CDYL: variants seen among roughly 807,000 people sequenced by gnomAD.
The protein encoded by CDYL is chromodomain Y like.
A neutral mutation model predicts 47.3 loss-of-function variants in CDYL; 8 were observed. The ratio of observed to expected loss-of-function variants is 0.17; its 90% CI spans 0.10 to 0.31. The LOEUF is 0.31. Ranked by LOEUF, CDYL falls within the 10% of genes least tolerant of loss-of-function variation. The pLI is 1.00. For missense variants in CDYL, 471 were observed against 701.4 expected (o/e 0.67, Z 3.71); for synonymous variants, 266 against 265.0 (o/e 1.00, Z -0.04).
chr6:4,943,790 C>A (rs1314323369), intron 5 of CDYL, 34 bp downstream of exon 5: 7 of 958,688 alleles, frequency 7.3e-6, no homozygotes, highest in Non-Finnish European at 1.1e-5. Flanking sequence ...AAAAAAAAGT[C>A]ATTCTAGAAA....
chr6:4,783,032 C>T (rs930423295), intron 1 of CDYL, among the ~76,000 whole-genome samples: 2 of 152,208 alleles, frequency 1.3e-5, no homozygotes, highest in African/African-American at 4.8e-5. Context: ...CCTGAACTCA[C>T]ATGCTACTGC....
chr6:4,725,986 A>G (rs1218053851), intron 2 of CDYL, among the ~76,000 whole-genome samples: 2 of 152,138 alleles, frequency 1.3e-5, no homozygotes, highest in Non-Finnish European at 2.9e-5. Context: ...GTTGTCTACA[A>G]CTCCTGACTT....
chr6:4,711,932 G>A (rs1757159160), intron 1 of CDYL, among the ~76,000 whole-genome samples: 1 of 152,154 alleles, frequency 6.6e-6, no homozygotes, highest in African/African-American at 2.4e-5. Flanking sequence ...CGGTGTGGTG[G>A]TATGCACCTG....
At chr6:4,945,808 T>C (rs1278601253) in intron 5 of CDYL, among the ~76,000 whole-genome samples, 1 of 152,220 alleles carries the variant, frequency 6.6e-6, no homozygotes, top group Non-Finnish European at 1.5e-5. Context: ...CACAGGACTC[T>C]CGGGTCCTGT....
At chr6:4,844,510 C>CCCCA (rs1475266027) in intron 1 of CDYL, among the ~76,000 whole-genome samples, 4 of 152,148 alleles carry the variant, frequency 2.6e-5, no homozygotes, top group Admixed American at 2.6e-4. Context: ...GGAGGTGAGT[C>CCCCA]CCCACACGCT....
chr6:4,710,363 AGGAG>A (rs1328091834), intron 1 of CDYL, among the ~76,000 whole-genome samples: 3 of 83,820 alleles, frequency 3.6e-5, no homozygotes, highest in African/African-American at 5.9e-5. Context: ...GAGGGAGGGA[AGGAG>A]GGAGGGAGGG....
intron 1 of CDYL, among the ~76,000 whole-genome samples, chr6:4,840,349 A>G (rs1355301262): frequency 2.0e-5 from 3 of 152,154 alleles, no homozygotes; most frequent in Admixed American, 1.3e-4. Flanking sequence ...TGTCATCAGC[A>G]AACGGTGACG....
chr6:4,886,965 C>T (rs1761915705), intron 1 of CDYL, among the ~76,000 whole-genome samples: 1 of 152,176 alleles, frequency 6.6e-6, no homozygotes, highest in South Asian at 2.1e-4. Context: ...TTCTTTTCCC[C>T]ATGGAATGGT....
intron 3 of CDYL, among the ~76,000 whole-genome samples, chr6:4,771,262 T>C (rs983628554): frequency 1.8e-4 from 27 of 152,058 alleles, no homozygotes; most frequent in Non-Finnish European, 4.4e-5. Context: ...TACAAGCACA[T>C]GCCACCACAC....
chr6:4,824,905 C>T (rs1327890842), intron 1 of CDYL, among the ~76,000 whole-genome samples: 7 of 151,972 alleles, frequency 4.6e-5, no homozygotes, highest in Non-Finnish European at 8.8e-5. Context: ...GAGTCTCACT[C>T]TGTTGCCCAG....
intron 3 of CDYL, among the ~76,000 whole-genome samples, chr6:4,744,569 C>T (rs1027640310): frequency 6.6e-6 from 1 of 152,158 alleles, no homozygotes; most frequent in Non-Finnish European, 1.5e-5. Context: ...AGTCCAGAGT[C>T]CTACTACCAC....
rs539257662 is a variant in CDYL at position 4,941,114 on chromosome 6, C to T, written c.1122-2432C>T. ...TGGCAAATATCAGCCTCCTTCCCTG[C>T]CATACCCAACAACAGCCTTGAATTC... On this transcript the variant is annotated intron_variant, in intron 4 of 6. Coordinates refer to ENST00000397588, the MANE Select transcript of CDYL (RefSeq NM_004824.4). Among the ~76,000 whole-genome samples the T allele has an allele frequency of 2.6e-5, 4 of 152,340 alleles. No individual in the cohort carries two copies. The East Asian group carries it at 7.7e-4, about 29-fold the overall frequency.
Position 4,725,587 on chromosome 6 carries a change from C to T in CDYL, c.104-9175C>T, listed in dbSNP as rs149752570. Reference sequence around the variant, plus strand: ...GGGCTTGCTGGTGGACCTGCACCTCCGGGGCTTGCGGGCGGACCTGCCCGC... The same window carrying T: ...GGGCTTGCTGGTGGACCTGCACCTCTGGGGCTTGCGGGCGGACCTGCCCGC... On this transcript the variant is annotated intron_variant, in intron 2 of 8. Transcript: ENST00000328908. Among the ~76,000 whole-genome samples, 120 of 152,336 alleles carry T rather than the reference C, an allele frequency of 7.9e-4. 1 individual carries two copies. The South Asian group carries it at 0.016, about 20-fold the overall frequency.
At chr6:4,722,872 T>C (rs957016606) in intron 2 of CDYL, among the ~76,000 whole-genome samples, 1 of 152,060 alleles carries the variant, frequency 6.6e-6, no homozygotes, top group East Asian at 1.9e-4. Flanking sequence ...AGTGAGACAT[T>C]GTCTCAAAAA....
chr6:4,912,898 T>TA (rs1365706877), intron 2 of CDYL, among the ~76,000 whole-genome samples: 1 of 152,176 alleles, frequency 6.6e-6, no homozygotes, highest in Non-Finnish European at 1.5e-5. Context: ...AATTGCCTCT[T>TA]AAAGGCCCCT....
intron 2 of CDYL, among the ~76,000 whole-genome samples, chr6:4,904,478 C>T (rs140701607): frequency 9.8e-5 from 15 of 152,324 alleles, no homozygotes; most frequent in East Asian, 3.9e-4. Flanking sequence ...TTTGCTCTTC[C>T]GAGCAAGTGG....
chr6:4,777,944 T>C (rs568460988), intron 1 of CDYL, among the ~76,000 whole-genome samples: 31 of 152,228 alleles, frequency 2.0e-4, no homozygotes, highest in Non-Finnish European at 4.0e-4. Flanking sequence ...TCTCCTTACA[T>C]TGTATGTGGT....
chr6:4,898,552 T>C (rs73717747), intron 2 of CDYL, among the ~76,000 whole-genome samples: 2,093 of 152,302 alleles, frequency 0.014, 43 homozygotes, highest in African/African-American at 0.048. Context: ...AGTAGTCCTT[T>C]GAGACATGTA....
chr6:4,899,309 G>C (rs1178231958), intron 2 of CDYL, among the ~76,000 whole-genome samples: 1 of 152,224 alleles, frequency 6.6e-6, no homozygotes, highest in Non-Finnish European at 1.5e-5. Flanking sequence ...ATATTAACAG[G>C]AGAAAAGGAC....
Sources: allele counts gnomAD v4.1 joint callset (sites outside exome capture counted in the v4.1 genomes callset), GRCh38; gene constraint gnomAD v4.1.1; transcripts MANE v1.5; gene names NCBI Gene and HGNC (gene_info 2026-07-23, HGNC 2026-07-21).